The following SLC12A8 variants were observed in gnomAD, a reference collection of about 807,000 sequenced individuals.
SLC12A8 encodes cation-chloride cotransporter 9.
SLC12A8 carries 69 observed loss-of-function variants against 75.6 expected under a neutral mutation model. The observed-to-expected ratio is 0.91, with a 90% CI of 0.75 to 1.11. The LOEUF is 1.11. Among genes scored for constraint, SLC12A8 ranks in the 50% most tolerant of loss-of-function variants. SLC12A8 has a pLI of 0.00. For missense variants in SLC12A8, 877 were observed against 896.7 expected (o/e 0.98, Z 0.28); for synonymous variants, 365 against 372.8 (o/e 0.98, Z 0.24).
chr3:125,163,843 C>G (rs764798809), intron 5 of SLC12A8, among the ~76,000 whole-genome samples: 7 of 152,222 alleles, frequency 4.6e-5, no homozygotes, highest in Non-Finnish European at 1.0e-4. Flanking sequence ...AGCTGGGCTC[C>G]CAAGCTGGCC....
In SLC12A8 at chr3:125,092,100, C is replaced by T. The variant is rs377284521; in HGVS notation, c.1803+1G>A. The T allele has an allele frequency of 7.5e-6, 12 of 1,604,474 alleles. No homozygotes were observed. Among genetic ancestry groups the T allele is most frequent in the Admixed American group, 1.7e-5 (1 of 59,900 alleles). ...ACTGAGATCAAGATGAAGTTACTCACCCCCAACAGGGAGACCCAGGGGTTG... is the reference window on the plus strand; with the variant it reads ...ACTGAGATCAAGATGAAGTTACTCATCCCCAACAGGGAGACCCAGGGGTTG... On this transcript the variant is annotated splice_donor_variant, in intron 11 of 13. Transcript: ENST00000469902. LOFTEE classifies it high-confidence loss of function.
At chr3:125,098,582 AC>A (rs1938778717) in intron 10 of SLC12A8, among the ~76,000 whole-genome samples, 6 of 151,944 alleles carry the variant, frequency 3.9e-5, no homozygotes, top group Non-Finnish European at 7.4e-5. Flanking sequence ...ACACACACAC[AC>A]ACACACACAC....
At chr3:125,104,313 T>A (rs1300860437) in intron 10 of SLC12A8, among the ~76,000 whole-genome samples, 1 of 151,998 alleles carries the variant, frequency 6.6e-6, no homozygotes, top group African/African-American at 2.4e-5. Flanking sequence ...CTCACTGTGT[T>A]GCCCAGGCTG....
At chr3:125,134,602 T>C (rs188524147) in intron 6 of SLC12A8, among the ~76,000 whole-genome samples, 1 of 152,332 alleles carries the variant, frequency 6.6e-6, no homozygotes, top group African/African-American at 2.4e-5. Context: ...TAACTAGGCA[T>C]GGAATAGCTG....
At chr3:125,134,122 GAC>G (rs1933431685) in intron 6 of SLC12A8, among the ~76,000 whole-genome samples, 1 of 151,800 alleles carries the variant, frequency 6.6e-6, no homozygotes, top group Non-Finnish European at 1.5e-5. Flanking sequence ...TTTGTTTAGA[GAC>G]ACAGTCTCGC....
intron 2 of SLC12A8, among the ~76,000 whole-genome samples, chr3:125,200,022 T>C (rs536031460): frequency 6.6e-6 from 1 of 152,104 alleles, no homozygotes; most frequent in South Asian, 2.1e-4. Flanking sequence ...TTAGAAGACA[T>C]GAAAACCAGA....
At chr3:125,175,452 C>G (rs1934498654) in intron 5 of SLC12A8, among the ~76,000 whole-genome samples, 1 of 152,214 alleles carries the variant, frequency 6.6e-6, no homozygotes, top group South Asian at 2.1e-4. Flanking sequence ...ACACTACACT[C>G]TACTAATGTA....
chr3:125,163,914 T>C (rs989156969), intron 5 of SLC12A8, among the ~76,000 whole-genome samples: 1 of 152,218 alleles, frequency 6.6e-6, no homozygotes, highest in African/African-American at 2.4e-5. Flanking sequence ...GGAGCGCCCC[T>C]GCCTGGCCGG....
intron 5 of SLC12A8, among the ~76,000 whole-genome samples, chr3:125,172,869 C>T (rs59593773): frequency 6.6e-6 from 1 of 152,072 alleles, no homozygotes; most frequent in Non-Finnish European, 1.5e-5. Context: ...TTTAAAAAAA[C>T]TTTTTTTCTG....
chr3:125,177,568 C>T (rs1006329270), intron 5 of SLC12A8, among the ~76,000 whole-genome samples, 175 bp downstream of exon 5: 2 of 152,032 alleles, frequency 1.3e-5, no homozygotes, highest in Admixed American at 1.3e-4. Flanking sequence ...GAGCTTCTAG[C>T]CTCATGAAGC....
chr3:125,170,055 A>G (rs1934375836), intron 5 of SLC12A8, among the ~76,000 whole-genome samples: 1 of 152,250 alleles, frequency 6.6e-6, no homozygotes, highest in African/African-American at 2.4e-5. Flanking sequence ...AAAAATCCTC[A>G]TTAATGATTC....
At chr3:125,203,985 G>T (rs1365356918) in intron 2 of SLC12A8, among the ~76,000 whole-genome samples, 1 of 152,170 alleles carries the variant, frequency 6.6e-6, no homozygotes, top group African/African-American at 2.4e-5. Context: ...ATGAAAAAAT[G>T]CTCAACAGCA....
chr3:125,186,237 C>A (rs1177907418), intron 4 of SLC12A8, among the ~76,000 whole-genome samples: 1 of 152,230 alleles, frequency 6.6e-6, no homozygotes, highest in African/African-American at 2.4e-5. Context: ...AACTACTATA[C>A]TTAAATAACT....
At chr3:125,132,440 G>A (rs908934154) in intron 6 of SLC12A8, among the ~76,000 whole-genome samples, 7 of 152,184 alleles carry the variant, frequency 4.6e-5, no homozygotes, top group African/African-American at 1.7e-4. Flanking sequence ...GAGTGGTCAG[G>A]TGGTAGACAT....
chr3:125,208,658 C>G (rs1935271660), intron 2 of SLC12A8, among the ~76,000 whole-genome samples: 1 of 151,016 alleles, frequency 6.6e-6, no homozygotes, highest in African/African-American at 2.4e-5. Context: ...AGGACTTGAC[C>G]CAGGCAGCAC....
At chr3:125,152,974 A>G (rs1270891364) in intron 5 of SLC12A8, among the ~76,000 whole-genome samples, 2 of 152,182 alleles carry the variant, frequency 1.3e-5, no homozygotes, top group Non-Finnish European at 2.9e-5. Context: ...AAAGAAAGGG[A>G]GGCGGAACAG....
In SLC12A8 at chr3:125,091,501, T is replaced by G. The variant is rs1158589058; in HGVS notation, c.1859A>C (p.Asn620Thr). Residue 620 changes from asparagine (N) to threonine (T), a missense_variant, in exon 12 of 14, where the codon AAC becomes ACC. Transcript: ENST00000469902. ...FVIQWVYTLV[N>T]MGVAAIVYFY... ...ATACACGATGGCAGCAACACCCATG[T>G]TAACCAGGGTATACACCCACTGTAT... The G allele has an allele frequency of 6.2e-7, 1 of 1,614,000 alleles. No homozygotes were observed. Among genetic ancestry groups the G allele is most frequent in the South Asian group, 1.1e-5 (1 of 91,074 alleles).
Position 125,135,658 on chromosome 3 carries a change from G to A in SLC12A8, c.736+11C>T, listed in dbSNP as rs2670168. On this transcript the variant is annotated intron_variant, in intron 6 of 13. Transcript: ENST00000469902. ...TAATTTGAGAGTAAAAAAGAACCCAGATTACAATACCTGTAGCCGCTGGGA... is the reference window on the plus strand; with the variant it reads ...TAATTTGAGAGTAAAAAAGAACCCAAATTACAATACCTGTAGCCGCTGGGA... 1.3e-4 allele frequency: 202 copies of A among 1,555,454 alleles called. No homozygotes were observed. The East Asian group carries it at 3.1e-3, about 24-fold the overall frequency.
chr3:125,140,943 T>C (rs1027264948), intron 5 of SLC12A8, among the ~76,000 whole-genome samples: 1 of 152,160 alleles, frequency 6.6e-6, no homozygotes, highest in Admixed American at 6.5e-5. Flanking sequence ...TGCCTCTCTG[T>C]TGGGCTTTCA....
Sources: allele counts gnomAD v4.1 joint callset (sites outside exome capture counted in the v4.1 genomes callset), GRCh38; gene constraint gnomAD v4.1.1; transcripts MANE v1.5; gene names NCBI Gene and HGNC (gene_info 2026-07-23, HGNC 2026-07-21).